Variants in FBN2 observed in about 807,000 individuals in gnomAD.
FBN2 encodes the protein fibrillin-2.
A neutral mutation model predicts 355.6 loss-of-function variants in FBN2; 105 were observed. The ratio of observed to expected loss-of-function variants is 0.30; its 90% CI spans 0.25 to 0.35. The LOEUF is 0.35. Among genes scored for constraint, FBN2 ranks in the 10% least tolerant of loss-of-function variants. The pLI, the probability that FBN2 is intolerant of heterozygous loss-of-function variation, is 1.00. For synonymous variants in FBN2, 1,350 were observed against 1,301.2 expected (o/e 1.04, Z -0.81); for missense variants, 3,280 against 3,758.7 (o/e 0.87, Z 3.33).
chr5:128,312,648 G>A lies in FBN2; in HGVS notation c.4865C>T (p.Pro1622Leu), dbSNP rs771138785. 1.2e-6 allele frequency: 2 copies of A among 1,613,860 alleles called. No individual in the cohort carries two copies. The highest frequency in any genetic ancestry group is 1.1e-5 in the South Asian group (1 of 91,066). The change falls in exon 37 of 65, where the codon CCC becomes CTC. Residue 1622 changes from proline (P) to leucine (L), a missense_variant. Physicochemically the swap from Pro to Leu is moderately conservative, Grantham distance 98. This residue lies in a region of FBN2 where 2,284 missense variants were observed against 2,749.5 expected (regional missense o/e 0.83). Transcript: ENST00000262464. ...TTTGTACTTACTGCTATTGACAGGGGGGCATGTCTCACAGGGGTTTCCCCA... is the reference window on the plus strand; with the variant it reads ...TTTGTACTTACTGCTATTGACAGGGAGGCATGTCTCACAGGGGTTTCCCCA... ...KAWGNPCETC[P>L]PVNSTEYYTL...
At chr5:128,368,388 A>C (rs888805202) in intron 16 of FBN2, among the ~76,000 whole-genome samples, 1 of 149,166 alleles carries the variant, frequency 6.7e-6, no homozygotes, top group Admixed American at 6.7e-5. Context: ...ATATATATAG[A>C]GAGAGATCTT....
intron 5 of FBN2, among the ~76,000 whole-genome samples, chr5:128,485,086 C>T (rs1031650634): frequency 6.6e-5 from 10 of 151,506 alleles, no homozygotes; most frequent in East Asian, 5.8e-4. Context: ...TGCAATGCAA[C>T]GAACAGGGAT....
Position 128,459,056 on chromosome 5 carries a change from C to A in FBN2, c.826+5668G>T, listed in dbSNP as rs142316476. Among the ~76,000 whole-genome samples the A allele has an allele frequency of 6.3e-3, 964 of 152,078 alleles. 11 individuals are homozygous for A. Among genetic ancestry groups the A allele is most frequent in the African/African-American group, 0.022 (905 of 41,492 alleles). On this transcript the variant is annotated intron_variant, in intron 6 of 64. Transcript: ENST00000262464. ...ATTAATGAAACTGATAGACTGCTAG[C>A]TAGACTAATAAAGAAGAATGAAGAG... is the stretch of plus-strand genomic sequence containing the variant.
chr5:128,326,016 T>C (rs1486231077), intron 34 of FBN2, among the ~76,000 whole-genome samples: 1 of 152,208 alleles, frequency 6.6e-6, no homozygotes, highest in Admixed American at 6.5e-5. Flanking sequence ...AAATTTGTTT[T>C]ATTTCTTGAG....
At chr5:128,522,275 A>G (rs1431952497) in intron 4 of FBN2, among the ~76,000 whole-genome samples, 1 of 152,154 alleles carries the variant, frequency 6.6e-6, no homozygotes, top group African/African-American at 2.4e-5. Flanking sequence ...TATCTGACAG[A>G]CTGCAAGAAC....
At chr5:128,445,419 A>G (rs1390092320) in intron 7 of FBN2, among the ~76,000 whole-genome samples, 3 of 152,248 alleles carry the variant, frequency 2.0e-5, no homozygotes, top group African/African-American at 7.2e-5. Context: ...AAACAATGGC[A>G]TATGTACCCA....
chr5:128,500,430 CTTTTTTT>C (rs149068555), intron 5 of FBN2, among the ~76,000 whole-genome samples: 2 of 51,178 alleles, frequency 3.9e-5, no homozygotes, highest in Non-Finnish European at 6.8e-5. Flanking sequence ...TCTGACAATT[CTTTTTTT>C]TTTTTTTTTT....
At chr5:128,360,163 A>G (rs1751603595) in intron 19 of FBN2, among the ~76,000 whole-genome samples, 1 of 152,106 alleles carries the variant, frequency 6.6e-6, no homozygotes, top group Non-Finnish European at 1.5e-5. Context: ...GAAAATCAGG[A>G]AAAACAAAAA....
At chr5:128,307,057 A>G in intron 42 of FBN2, 78 bp downstream of exon 42, 1 of 948,510 alleles carries the variant, frequency 1.1e-6, no homozygotes, top group Admixed American at 1.7e-5. Flanking sequence ...GGTACTCTTG[A>G]ATTTTAAAAA....
In FBN2 at chr5:128,395,364, T is replaced by C; in HGVS notation, c.1079-90A>G. On this transcript the variant is annotated intron_variant, in intron 8 of 64. Coordinates refer to ENST00000262464, the MANE Select transcript of FBN2 (RefSeq NM_001999.4). ...GTACATGAGATGAATGTAGGTGAAG[T>C]GACTCATACCACTTAATCTCTGTTA... The C allele has an allele frequency of 3.7e-6, 5 of 1,351,418 alleles. No individual in the cohort carries two copies. In the South Asian group the frequency reaches 4.8e-5, roughly 13 times the overall value. 83.7% of individuals were successfully genotyped at this position (1,351,418 alleles called of 1,614,324 possible). A position where few individuals can be genotyped will look rare whatever the true frequency, so the allele number is the denominator to read the frequency against.
At chr5:128,478,841 T>A (rs989809625) in intron 5 of FBN2, among the ~76,000 whole-genome samples, 1 of 152,196 alleles carries the variant, frequency 6.6e-6, no homozygotes, top group African/African-American at 2.4e-5. Flanking sequence ...AATGTACTCT[T>A]GTGCATTCTT....
intron 2 of FBN2, 57 bp from the exon 3 acceptor site, chr5:128,530,750 C>T (rs747252284): frequency 8.9e-7 from 1 of 1,121,238 alleles, no homozygotes; most frequent in Non-Finnish European, 1.4e-6. Context: ...CCATAGTTTA[C>T]AAAACAAGAA....
chr5:128,449,239 T>C (rs1171868896), intron 6 of FBN2, among the ~76,000 whole-genome samples: 2 of 149,588 alleles, frequency 1.3e-5, no homozygotes, highest in Non-Finnish European at 3.0e-5. Flanking sequence ...AAGAGGTAAA[T>C]GGTACCATTG....
chr5:128,368,420 G>GTA (rs369622754), intron 16 of FBN2, among the ~76,000 whole-genome samples: 22,352 of 123,318 alleles, frequency 0.18, 3,034 homozygotes, highest in East Asian at 0.76. Flanking sequence ...GTGTGTGTGT[G>GTA]TATATATATA....
chr5:128,428,787 C>A (rs1753545717), intron 7 of FBN2, among the ~76,000 whole-genome samples: 1 of 152,180 alleles, frequency 6.6e-6, no homozygotes, highest in African/African-American at 2.4e-5. Flanking sequence ...AGTGACGGAA[C>A]TCCGTAAATA....
intron 7 of FBN2, among the ~76,000 whole-genome samples, chr5:128,413,917 T>G (rs1034990613): frequency 3.9e-5 from 6 of 152,186 alleles, no homozygotes; most frequent in African/African-American, 1.4e-4. Flanking sequence ...AACTTCCACT[T>G]ATTCGTATAC....
At chr5:128,473,132 C>T (rs964864190) in intron 5 of FBN2, among the ~76,000 whole-genome samples, 1 of 152,150 alleles carries the variant, frequency 6.6e-6, no homozygotes, top group Non-Finnish European at 1.5e-5. Context: ...TAATCTAATT[C>T]CTGGCACTGG....
intron 23 of FBN2, among the ~76,000 whole-genome samples, chr5:128,347,455 G>C (rs532793286): frequency 6.6e-6 from 1 of 152,236 alleles, no homozygotes; most frequent in Non-Finnish European, 1.5e-5. Context: ...ATATGAATTT[G>C]GAAACCTTTG....
intron 7 of FBN2, among the ~76,000 whole-genome samples, chr5:128,434,394 GTATATATATATATATA>G (rs6149234): frequency 0.15 from 13,890 of 91,678 alleles, 1,651 homozygotes; most frequent in Non-Finnish European, 0.18. Flanking sequence ...AATAAAGTGT[GTATATATATATATATA>G]TATATATATA....
Sources: allele counts gnomAD v4.1 joint callset (sites outside exome capture counted in the v4.1 genomes callset), GRCh38; gene constraint gnomAD v4.1.1; regional missense constraint gnomAD v4.1.1; transcripts MANE v1.5; gene names NCBI Gene and HGNC (gene_info 2026-07-23, HGNC 2026-07-21).